TOM1L2: variants seen among roughly 807,000 people sequenced by gnomAD.
TOM1L2 encodes TOM1-like protein 2.
Under a neutral mutation model 67.9 loss-of-function variants are expected in TOM1L2, and 31 were observed. The ratio of observed to expected loss-of-function variants is 0.46; its 90% CI spans 0.34 to 0.62. The LOEUF (loss-of-function observed/expected upper bound fraction) is 0.62. TOM1L2 is among the 20% of genes least tolerant of loss of function. TOM1L2 has a pLI of 0.01. For synonymous variants in TOM1L2, 256 were observed against 254.0 expected (o/e 1.01, Z -0.07); for missense variants, 606 against 663.5 (o/e 0.91, Z 0.95).
intron 12 of TOM1L2, 40 bp from the exon 13 acceptor site, chr17:17,850,992 C>T (rs942969550): frequency 3.7e-6 from 6 of 1,610,650 alleles, no homozygotes; most frequent in Non-Finnish European, 4.2e-6. Flanking sequence ...AGCCCCCACA[C>T]AGCCAGCGAG....
chr17:17,953,662 C>G (rs1405364179), intron 1 of TOM1L2, among the ~76,000 whole-genome samples: 3 of 152,234 alleles, frequency 2.0e-5, no homozygotes, highest in African/African-American at 7.2e-5. Flanking sequence ...TGACCTGCCC[C>G]CACCAGCCCA....
chr17:17,862,506 C>A, intron 11 of TOM1L2: 1 of 499,418 alleles, frequency 2.0e-6, no homozygotes, highest in South Asian at 3.0e-5. Context: ...TCCAATCAAC[C>A]CCAAGGGCAG....
At chr17:17,907,554 G>A in intron 1 of TOM1L2, 23 bp from the exon 2 acceptor site, 1 of 1,608,700 alleles carries the variant, frequency 6.2e-7, no homozygotes, top group Non-Finnish European at 8.5e-7. Context: ...AGAGAAAATG[G>A]GTTTACATTT....
intron 1 of TOM1L2, among the ~76,000 whole-genome samples, chr17:17,964,081 C>T (rs949539717): frequency 2.0e-5 from 3 of 152,154 alleles, no homozygotes; most frequent in Admixed American, 2.0e-4. Context: ...GGCTGATGGG[C>T]ATCAGGCTTG....
chr17:17,876,981 G>A (rs145116893), intron 7 of TOM1L2, among the ~76,000 whole-genome samples: 115 of 152,338 alleles, frequency 7.5e-4, no homozygotes, highest in African/African-American at 2.7e-3. Context: ...AGGATTTGAC[G>A]CATAGCTCAA....
chr17:17,947,403 G>C (rs934190095), intron 1 of TOM1L2, among the ~76,000 whole-genome samples: 1 of 152,198 alleles, frequency 6.6e-6, no homozygotes. Context: ...CTAAGCACCA[G>C]TACCTCACAA....
chr17:17,878,914 G>A (rs1341414242), intron 7 of TOM1L2, among the ~76,000 whole-genome samples: 1 of 151,864 alleles, frequency 6.6e-6, no homozygotes, highest in Admixed American at 6.6e-5. Context: ...TCTGGACCTG[G>A]CTGCCCTGGG....
chr17:17,967,896 C>T (rs560868151), intron 1 of TOM1L2, among the ~76,000 whole-genome samples: 4 of 152,222 alleles, frequency 2.6e-5, no homozygotes, highest in East Asian at 3.9e-4. Flanking sequence ...TGTGAGCCAC[C>T]GCACCTGTCC....
At chr17:17,880,737 G>A (rs950316748) in intron 6 of TOM1L2, among the ~76,000 whole-genome samples, 17 of 152,162 alleles carry the variant, frequency 1.1e-4, no homozygotes, top group Non-Finnish European at 5.9e-5. Flanking sequence ...CAGAAAGGTG[G>A]CACTAACCTC....
At chr17:17,856,621 T>C (rs1400832698) in intron 12 of TOM1L2, among the ~76,000 whole-genome samples, 1 of 152,232 alleles carries the variant, frequency 6.6e-6, no homozygotes, top group Non-Finnish European at 1.5e-5. Flanking sequence ...TGGGCAGTTA[T>C]GTATTCCTCT....
In TOM1L2 at chr17:17,869,493, CTGGG is replaced by C. The variant is rs1182651856; in HGVS notation, c.778-24_778-21del. Reference sequence around the variant, plus strand: ...GAGCTCCTAGGGAACACATGCACCTCTGGGTAGCCTGCTGGGTGTGCTTTTCGTC... The same window carrying C: ...GAGCTCCTAGGGAACACATGCACCTCTAGCCTGCTGGGTGTGCTTTTCGTC... On this transcript the variant is annotated intron_variant, in intron 7 of 14. Transcript: ENST00000379504. The C allele has an allele frequency of 2.5e-6, 4 of 1,577,160 alleles. No homozygotes were observed. Among genetic ancestry groups the C allele is most frequent in the South Asian group, 2.3e-5 (2 of 86,672 alleles).
chr17:17,959,800 G>C (rs995197249), intron 1 of TOM1L2, among the ~76,000 whole-genome samples: 1 of 152,122 alleles, frequency 6.6e-6, no homozygotes, highest in Non-Finnish European at 1.5e-5. Context: ...ACCAAAACCC[G>C]AAACAGAATT....
intron 10 of TOM1L2, among the ~76,000 whole-genome samples, chr17:17,864,790 G>A (rs1436479490): frequency 6.6e-6 from 1 of 152,148 alleles, no homozygotes; most frequent in Non-Finnish European, 1.5e-5. Flanking sequence ...GGGATTACCG[G>A]TGTTACACTT....
intron 1 of TOM1L2, among the ~76,000 whole-genome samples, chr17:17,934,396 T>G (rs1018066996): frequency 3.9e-5 from 6 of 152,104 alleles, no homozygotes; most frequent in Non-Finnish European, 8.8e-5. Flanking sequence ...CAGTGAGCTA[T>G]GATGTCATTA....
intron 1 of TOM1L2, among the ~76,000 whole-genome samples, chr17:17,956,481 C>T (rs181064706): frequency 1.3e-5 from 2 of 152,342 alleles, no homozygotes; most frequent in Admixed American, 6.5e-5. Context: ...CCTGCCAGTC[C>T]CTGGCAGTGC....
chr17:17,855,573 A>G (rs180931090), intron 12 of TOM1L2, among the ~76,000 whole-genome samples: 381 of 152,240 alleles, frequency 2.5e-3, no homozygotes, highest in Middle Eastern at 0.01. Context: ...GACAAGTCTC[A>G]TTTCTCTTCA....
intron 1 of TOM1L2, among the ~76,000 whole-genome samples, chr17:17,959,541 G>A (rs1368559276): frequency 6.6e-6 from 1 of 152,064 alleles, no homozygotes; most frequent in Non-Finnish European, 1.5e-5. Flanking sequence ...GTTAGCATAG[G>A]AGACTCTCGC....
In TOM1L2 at chr17:17,869,647, C is replaced by T. The variant is rs1188882547; in HGVS notation, c.778-174G>A. Reference sequence around the variant, plus strand: ...GAAGTTCCCTCTTCACTGCCTGCCCCTCCTTCCGCAGAGGAAACAAGTACT... The same window carrying T: ...GAAGTTCCCTCTTCACTGCCTGCCCTTCCTTCCGCAGAGGAAACAAGTACT... On this transcript the variant is annotated intron_variant, in intron 7 of 14. Coordinates refer to ENST00000379504, the MANE Select transcript of TOM1L2 (RefSeq NM_001082968.2). The T allele has an allele frequency of 1.3e-5, 18 of 1,390,124 alleles. No homozygotes were observed. In the South Asian group the frequency reaches 2.5e-4, roughly 19 times the overall value. The allele number at this position is 1,390,124 out of a possible 1,614,324, so 86.1% of individuals were successfully genotyped here.
At chr17:17,917,509 G>A (rs1007876672) in intron 1 of TOM1L2, among the ~76,000 whole-genome samples, 1 of 122,688 alleles carries the variant, frequency 8.2e-6, no homozygotes, top group African/African-American at 3.1e-5. Context: ...ATGTTGCCCA[G>A]TCTGGACTCA....
Sources: allele counts gnomAD v4.1 joint callset (sites outside exome capture counted in the v4.1 genomes callset), GRCh38; gene constraint gnomAD v4.1.1; transcripts MANE v1.5; gene names NCBI Gene and HGNC (gene_info 2026-07-23, HGNC 2026-07-21).